Variants in OR1J2 observed in about 807,000 individuals in gnomAD.
OR1J2 encodes olfactory receptor 1J2.
For synonymous variants in OR1J2, 142 were observed against 99.7 expected, an observed-to-expected ratio of 1.42 and a Z score of -2.52; for missense variants, 304 against 246.1, an observed-to-expected ratio of 1.24 and a Z score of -1.57.
chr9:122,526,296 A>G, the OR1J2 span: 5 of 1,048,818 alleles, frequency 4.8e-6, no homozygotes, highest in Middle Eastern at 6.4e-4. Flanking sequence ...AGACCCCAAA[A>G]TGAAGCCCGT....
chr9:122,465,119 C>G, the OR1J2 span, among the ~76,000 whole-genome samples: 1 of 151,770 alleles, frequency 6.6e-6, no homozygotes, highest in African/African-American at 2.4e-5. Flanking sequence ...TGTCAGTATC[C>G]GAAGAAAAAA....
the OR1J2 span, among the ~76,000 whole-genome samples, chr9:122,497,910 A>C: frequency 2.0e-5 from 3 of 152,050 alleles, no homozygotes; most frequent in Non-Finnish European, 4.4e-5. Flanking sequence ...GAATTTTTTT[A>C]TTTCTGCCTT....
the OR1J2 span, chr9:122,554,019 T>C: frequency 2.5e-6 from 4 of 1,613,820 alleles, no homozygotes; most frequent in Non-Finnish European, 3.4e-6. Context: ...ATCAACTTAC[T>C]CTACAGAGAG....
At chr9:122,562,302 A>G in the OR1J2 span, among the ~76,000 whole-genome samples, 5 of 152,176 alleles carry the variant, frequency 3.3e-5, no homozygotes, top group Non-Finnish European at 5.9e-5. Flanking sequence ...TCCCGCAGGG[A>G]GCTTAGACAG....
the OR1J2 span, chr9:122,519,679 A>G: frequency 6.2e-7 from 1 of 1,613,842 alleles, no homozygotes; most frequent in African/African-American, 1.3e-5. Flanking sequence ...TTCTTCTGTG[A>G]TCTTGTTGCC....
chr9:122,554,353 C>G, the OR1J2 span: 1 of 549,602 alleles, frequency 1.8e-6, no homozygotes, highest in East Asian at 3.1e-5. Context: ...CTGTCTCAGC[C>G]TCTTTCCTGA....
chr9:122,511,648 C>A lies in OR1J2; in HGVS notation c.847C>A (p.Pro283Thr). 1 of 781,010 alleles carries A rather than the reference C, an allele frequency of 1.3e-6. No individual in the cohort carries two copies. Among genetic ancestry groups the A allele is most frequent in the South Asian group, 1.3e-5 (1 of 74,600 alleles). The allele number at this position is 781,010 out of a possible 1,614,324, so 48.4% of individuals were successfully genotyped here. A position where few individuals can be genotyped will look rare whatever the true frequency, so the allele number is the denominator to read the frequency against. Reference sequence around the variant, plus strand: ...GGCTCTCATGTACACGGTGGTCACACCCATGTTGAACCCCTTTATCTACAG... The same window carrying A: ...GGCTCTCATGTACACGGTGGTCACAACCATGTTGAACCCCTTTATCTACAG... ...IVALMYTVVT[P>T]MLNPFIYSLR... Residue 283 changes from proline (P) to threonine (T), a missense_variant, in exon 1 of 1, where the codon CCC (proline) becomes ACC (threonine). Transcript: ENST00000335302.
At chr9:122,576,868 T>G in the OR1J2 span, 1 of 152,186 alleles carries the variant, frequency 6.6e-6, no homozygotes. Context: ...TGGGGGGCAG[T>G]GGGTTGCCGT....
the OR1J2 span, chr9:122,567,198 T>C: frequency 5.6e-6 from 1 of 178,116 alleles, no homozygotes; most frequent in South Asian, 1.9e-4. Context: ...TTCAGCAATA[T>C]ATTGAAATGT....
the OR1J2 span, chr9:122,553,765 G>C: frequency 6.2e-7 from 1 of 1,613,984 alleles, no homozygotes; most frequent in South Asian, 1.1e-5. Context: ...TGTGATCCTA[G>C]TGCTCTCCTG....
At chr9:122,463,111 T>C in the OR1J2 span, among the ~76,000 whole-genome samples, 2 of 152,164 alleles carry the variant, frequency 1.3e-5, no homozygotes, top group Non-Finnish European at 2.9e-5. Flanking sequence ...GGAGGCTTTG[T>C]TCATTTTTTA....
chr9:122,554,648 C>G, the OR1J2 span, among the ~76,000 whole-genome samples: 2 of 152,160 alleles, frequency 1.3e-5, no homozygotes, highest in Non-Finnish European at 2.9e-5. Flanking sequence ...TTATGCCTAT[C>G]GACTCCCTTT....
rs753356277 is a variant in OR1J2 at position 122,511,148 on chromosome 9, C to T, written c.347C>T (p.Thr116Ile). 5.3e-6 allele frequency: 4 copies of T among 747,672 alleles called. No homozygotes were observed. Among genetic ancestry groups the T allele is most frequent in the Non-Finnish European group, 9.5e-6 (4 of 421,026 alleles). 46.3% of individuals were successfully genotyped at this position (747,672 alleles called of 1,614,324 possible). A position where few individuals can be genotyped will look rare whatever the true frequency, so the allele number is the denominator to read the frequency against. The change falls in exon 1 of 1, where the codon ACA (threonine) becomes ATA (isoleucine). Residue 116 changes from threonine to isoleucine, a missense_variant. Coordinates refer to ENST00000335302, the MANE Select transcript of OR1J2 (RefSeq NM_054107.1). Reference protein sequence around the residue: ...FFTDLDSFLITSMAYDRYVAI... With the variant: ...FFTDLDSFLIISMAYDRYVAI... ...ACTGACCTGGACAGCTTCCTTATTA[C>T]ATCAATGGCATATGACCGATATGTT...
chr9:122,458,392 T>C, the OR1J2 span, among the ~76,000 whole-genome samples: 2 of 152,214 alleles, frequency 1.3e-5, no homozygotes, highest in South Asian at 4.1e-4. Context: ...GTTCAAAAAG[T>C]TTTTTATGGG....
upstream of OR1J2, among the ~76,000 whole-genome samples, chr9:122,510,314 C>A (rs1382666200): frequency 6.6e-6 from 1 of 152,140 alleles, no homozygotes; most frequent in African/African-American, 2.4e-5. Flanking sequence ...GCTGAAACAC[C>A]TTTCTCCACA....
the OR1J2 span, among the ~76,000 whole-genome samples, chr9:122,574,970 T>G: frequency 2.0e-5 from 3 of 152,136 alleles, no homozygotes; most frequent in Non-Finnish European, 4.4e-5. Flanking sequence ...TGGCTTTTCT[T>G]TATTAGTTTA....
chr9:122,550,963 A>C, the OR1J2 span, among the ~76,000 whole-genome samples: 1 of 152,184 alleles, frequency 6.6e-6, no homozygotes, highest in East Asian at 1.9e-4. Flanking sequence ...AAAGGAAGTC[A>C]AAGTATCTTT....
the OR1J2 span, among the ~76,000 whole-genome samples, chr9:122,531,413 C>T: frequency 6.6e-3 from 998 of 152,224 alleles, 6 homozygotes; most frequent in Non-Finnish European, 0.011. Context: ...TAGTTGAGAA[C>T]GGTGAATAGG....
At chr9:122,479,111 A>G in the OR1J2 span, among the ~76,000 whole-genome samples, 5 of 152,160 alleles carry the variant, frequency 3.3e-5, no homozygotes, top group African/African-American at 9.7e-5. Flanking sequence ...GCGCGAAAAC[A>G]TATATATATT....
Sources: gnomAD v4.1 joint callset for allele counts (sites outside exome capture counted in the v4.1 genomes callset) on GRCh38, gnomAD v4.1.1 for gene constraint, MANE v1.5 for transcripts, NCBI Gene and HGNC (gene_info 2026-07-23, HGNC 2026-07-21) for gene names.